SPHKAP: variants seen among roughly 807,000 people sequenced by gnomAD.
SPHKAP encodes SPHK1 interactor, AKAP domain containing, also known as A-kinase anchor protein SPHKAP.
A neutral mutation model predicts 137.5 loss-of-function variants in SPHKAP; 67 were observed. The ratio of observed to expected loss-of-function variants is 0.49; its 90% CI spans 0.40 to 0.60. The LOEUF (loss-of-function observed/expected upper bound fraction) is 0.60, where lower values mean the gene tolerates loss of function less well. Among genes scored for constraint, SPHKAP ranks in the 20% least tolerant of loss-of-function variants. The pLI, the probability that SPHKAP is intolerant of heterozygous loss-of-function variation, is 0.00. For synonymous variants in SPHKAP, 813 were observed against 785.3 expected, an observed-to-expected ratio of 1.04 and a Z score of -0.59; for missense variants, 2,097 against 2,069.3, an observed-to-expected ratio of 1.01 and a Z score of -0.26.
intron 3 of SPHKAP, among the ~76,000 whole-genome samples, chr2:228,044,762 C>A (rs1286998778): frequency 6.6e-6 from 1 of 152,092 alleles, no homozygotes; most frequent in Non-Finnish European, 1.5e-5. Context: ...TTTCCTTTGA[C>A]AATGATGCTA....
Position 227,980,287 on chromosome 2 carries a change from G to C in SPHKAP, c.*1430C>G, listed in dbSNP as rs1477619788. ...AGCACTGGGCAAGTATCCTAGGATG[G>C]GAGTGGGGAAGGAAGTATGGCTTAC... is the stretch of plus-strand genomic sequence containing the variant. On this transcript the variant is annotated 3_prime_UTR_variant, in exon 12 of 12. Coordinates refer to ENST00000392056, the MANE Select transcript of SPHKAP (RefSeq NM_001142644.2). The C allele has an allele frequency of 6.6e-6, 1 of 152,228 alleles. No homozygotes were observed. The highest frequency in any genetic ancestry group is 1.9e-4 in the East Asian group (1 of 5,202). 9.4% of individuals were successfully genotyped at this position (152,228 alleles called of 1,614,324 possible).
intron 3 of SPHKAP, among the ~76,000 whole-genome samples, chr2:228,075,262 A>G (rs1697142074): frequency 1.3e-5 from 2 of 152,210 alleles, no homozygotes; most frequent in Admixed American, 1.3e-4. Context: ...GTCTTTTGGT[A>G]TATACAGATG....
chr2:228,109,872 C>A (rs755916568), intron 2 of SPHKAP, among the ~76,000 whole-genome samples: 1 of 140,972 alleles, frequency 7.1e-6, no homozygotes, highest in Admixed American at 8.0e-5. Context: ...ACAGGAGAAT[C>A]ACTTGAACCC....
In SPHKAP at chr2:228,019,660, G is replaced by A. The variant is rs201850154; in HGVS notation, c.1194C>T (p.Ser398=). The A allele has an allele frequency of 2.8e-5, 46 of 1,614,126 alleles. No homozygotes were observed. The highest frequency in any genetic ancestry group is 1.0e-4 in the Admixed American group (6 of 60,024). The change falls in exon 7 of 12, where the codon TCC becomes TCT. Residue 398 remains serine, a synonymous_variant. Coordinates refer to ENST00000392056, the MANE Select transcript of SPHKAP (RefSeq NM_001142644.2). ...ATCTAATAAATGCATCCTGCAGCAC[G>A]GATTCTGCTAAATTTGTAGCATACT... ...TGKYATNLAE[S]VLQDAFIRLS...
intron 3 of SPHKAP, among the ~76,000 whole-genome samples, chr2:228,037,981 GA>G (rs1363181444): frequency 6.6e-6 from 1 of 152,188 alleles, no homozygotes. Context: ...TCCAAGTAGA[GA>G]ATACAGGACC....
intron 3 of SPHKAP, among the ~76,000 whole-genome samples, chr2:228,057,687 A>G (rs944959840): frequency 1.2e-4 from 19 of 152,194 alleles, no homozygotes; most frequent in Admixed American, 3.3e-4. Flanking sequence ...AAGAGGGAGC[A>G]TAGCGCATTT....
intron 2 of SPHKAP, chr2:228,131,665 G>A: frequency 2.2e-6 from 1 of 456,160 alleles, no homozygotes; most frequent in Non-Finnish European, 2.9e-6. Flanking sequence ...CATTCAAAAT[G>A]CATGAACATT....
chr2:228,043,390 G>A (rs1288965142), intron 3 of SPHKAP, among the ~76,000 whole-genome samples: 1 of 152,146 alleles, frequency 6.6e-6, no homozygotes, highest in African/African-American at 2.4e-5. Context: ...GCAGTGGCAC[G>A]ATCTCGGCTT....
chr2:228,102,591 A>T lies in SPHKAP; in HGVS notation c.246+6241T>A, dbSNP rs183765214. Among the ~76,000 whole-genome samples, 74 of 152,308 alleles carry T rather than the reference A, an allele frequency of 4.9e-4. 1 individual carries two copies. The highest frequency in any genetic ancestry group is 1.7e-3 in the African/African-American group (69 of 41,556). On this transcript the variant is annotated intron_variant, in intron 3 of 11. Coordinates refer to ENST00000392056, the MANE Select transcript of SPHKAP (RefSeq NM_001142644.2). ...AAACTTTTTCTTTAATAGTTTCAGG[A>T]TCCAAGATGTTGATAAACGTATGGA...
intron 1 of SPHKAP, among the ~76,000 whole-genome samples, chr2:228,143,692 A>T (rs1699678442): frequency 8.3e-6 from 1 of 119,830 alleles, no homozygotes; most frequent in Non-Finnish European, 1.7e-5. Context: ...TTTTGTAGAG[A>T]TGAGGGTTTC....
At chr2:228,082,826 A>AT (rs1697406592) in intron 3 of SPHKAP, among the ~76,000 whole-genome samples, 1 of 152,176 alleles carries the variant, frequency 6.6e-6, no homozygotes, top group Non-Finnish European at 1.5e-5. Flanking sequence ...AATCCACCTA[A>AT]TGTGCTTAGG....
chr2:228,058,178 C>A (rs1048135378), intron 3 of SPHKAP, among the ~76,000 whole-genome samples: 1 of 152,192 alleles, frequency 6.6e-6, no homozygotes, highest in Admixed American at 6.5e-5. Flanking sequence ...ACCACTCCAG[C>A]TACCCCATTC....
chr2:228,021,418 C>T (rs780004331), intron 6 of SPHKAP, among the ~76,000 whole-genome samples: 11 of 152,162 alleles, frequency 7.2e-5, no homozygotes, highest in Admixed American at 2.0e-4. Flanking sequence ...CAGTGATAGC[C>T]TCCATCTCTT....
intron 3 of SPHKAP, among the ~76,000 whole-genome samples, chr2:228,106,254 A>C (rs1335180138): frequency 1.3e-5 from 2 of 152,216 alleles, no homozygotes; most frequent in East Asian, 3.9e-4. Context: ...TACTGAGATC[A>C]AAGAAACCAC....
chr2:228,170,215 TTTTG>T (rs1255219987), intron 1 of SPHKAP, among the ~76,000 whole-genome samples: 5 of 152,156 alleles, frequency 3.3e-5, no homozygotes, highest in East Asian at 1.9e-4. Context: ...AAATAAATTT[TTTTG>T]TTTGTTTGTT....
intron 7 of SPHKAP, 36 bp from the exon 8 acceptor site, chr2:227,995,730 GCACACACACA>G: frequency 1.4e-6 from 2 of 1,455,168 alleles, no homozygotes; most frequent in East Asian, 4.8e-5. Context: ...AAGAGAGGCA[GCACACACACA>G]CACACACAGA....
chr2:228,127,081 C>T (rs951603505), intron 2 of SPHKAP, among the ~76,000 whole-genome samples: 1 of 152,058 alleles, frequency 6.6e-6, no homozygotes, highest in Admixed American at 6.6e-5. Flanking sequence ...GGGGAATTGC[C>T]GACAGATTTC....
At position 228,063,170 on chromosome 2, in the gene SPHKAP, A is replaced by ATCTGTCTGTCTGTCTG. The variant is rs1208275221; in HGVS notation, c.247-35628_247-35627insCAGACAGACAGACAGA. Among the ~76,000 whole-genome samples the ATCTGTCTGTCTGTCTG allele has an allele frequency of 9.0e-4, 126 of 139,424 alleles. 1 individual carries two copies. The highest frequency in any genetic ancestry group is 3.7e-3 in the African/African-American group (119 of 32,416). The allele number at this position is 139,424 out of a possible 152,430, so 91.5% of individuals were successfully genotyped here. ...TATCTATCTATCTATCTATCTATCT[A>ATCTGTCTGTCTGTCTG]TCTATCTGTCTGTCTGTCTGTCTGT... On this transcript the variant is annotated intron_variant, in intron 3 of 11. Coordinates refer to ENST00000392056, the MANE Select transcript of SPHKAP (RefSeq NM_001142644.2).
intron 3 of SPHKAP, among the ~76,000 whole-genome samples, chr2:228,052,409 C>T (rs748565006): frequency 2.0e-5 from 3 of 152,002 alleles, no homozygotes; most frequent in Non-Finnish European, 4.4e-5. Context: ...TCTAGAATAC[C>T]AGGGATAAAG....
Sources: gnomAD v4.1 joint callset for allele counts (sites outside exome capture counted in the v4.1 genomes callset) on GRCh38, gnomAD v4.1.1 for gene constraint, MANE v1.5 for transcripts, NCBI Gene and HGNC (gene_info 2026-07-23, HGNC 2026-07-21) for gene names.